TESC: variants seen among roughly 807,000 people sequenced by gnomAD.
The protein encoded by TESC is calcineurin B homologous protein 3.
A neutral mutation model predicts 31.0 loss-of-function variants in TESC; 19 were observed. The observed-to-expected ratio is 0.61, with a 90% CI of 0.43 to 0.90. The LOEUF is 0.90. TESC is among the 40% of genes least tolerant of loss of function. The pLI, the probability that TESC is intolerant of heterozygous loss-of-function variation, is 0.00. For synonymous variants in TESC, 109 were observed against 114.8 expected (o/e 0.95, Z 0.32); for missense variants, 248 against 303.8 (o/e 0.82, Z 1.36).
At chr12:117,078,984 C>T (rs1955109459) in intron 1 of TESC, among the ~76,000 whole-genome samples, 2 of 152,228 alleles carry the variant, frequency 1.3e-5, no homozygotes, top group South Asian at 4.1e-4. Flanking sequence ...TTCTTTAGTT[C>T]CTTCCATGAC....
intron 1 of TESC, among the ~76,000 whole-genome samples, chr12:117,085,349 G>A (rs112675858): frequency 5.9e-5 from 9 of 152,172 alleles, no homozygotes; most frequent in Non-Finnish European, 2.9e-5. Context: ...TGAAGTGCCC[G>A]GCAATAGACA....
intron 1 of TESC, among the ~76,000 whole-genome samples, chr12:117,080,837 C>G (rs1955137340): frequency 6.6e-6 from 1 of 152,176 alleles, no homozygotes. Context: ...TGCATGTCTG[C>G]CTGCATCAGG....
chr12:117,051,371 G>C (rs1954645440), intron 3 of TESC, among the ~76,000 whole-genome samples: 1 of 152,124 alleles, frequency 6.6e-6, no homozygotes, highest in South Asian at 2.1e-4. Flanking sequence ...CCCAAGTCTG[G>C]ATTAGGGAAG....
chr12:117,082,236 G>A (rs888520656), intron 1 of TESC, among the ~76,000 whole-genome samples: 1 of 152,010 alleles, frequency 6.6e-6, no homozygotes, highest in Non-Finnish European at 1.5e-5. Flanking sequence ...GGGCGCAGTG[G>A]CTCAAGCCTG....
intron 2 of TESC, among the ~76,000 whole-genome samples, chr12:117,061,649 T>A (rs1344409260): frequency 6.6e-6 from 1 of 151,360 alleles, no homozygotes; most frequent in African/African-American, 2.5e-5. Flanking sequence ...CCGCTGCCTC[T>A]GCTCTCTCTC....
In TESC at chr12:117,049,093, A is replaced by G. The variant is rs201789594; in HGVS notation, c.275T>C (p.Met92Thr). The G allele has an allele frequency of 1.9e-6, 3 of 1,614,240 alleles. No homozygotes were observed. The East Asian group carries it at 6.7e-5, about 36-fold the overall frequency. Residue 92 changes from methionine (M) to threonine (T), a missense_variant, in exon 4 of 8, where the codon ATG (methionine) becomes ACG (threonine). Transcript: ENST00000335209. ...GGTGTCGATGGGCCGGAAGTAGGAC[A>G]TGATGGTCAGGAAGTCCTCGAAATT... ...EINFEDFLTI[M>T]SYFRPIDTTM...
At chr12:117,092,499 G>A (rs903498400) in intron 1 of TESC, among the ~76,000 whole-genome samples, 1 of 152,234 alleles carries the variant, frequency 6.6e-6, no homozygotes, top group Non-Finnish European at 1.5e-5. Flanking sequence ...GGGGAGGCCT[G>A]GAAGCCCCCA....
At chr12:117,070,386 T>C (rs1954950125) in intron 2 of TESC, among the ~76,000 whole-genome samples, 1 of 152,182 alleles carries the variant, frequency 6.6e-6, no homozygotes, top group Non-Finnish European at 1.5e-5. Flanking sequence ...GTAGGCCTGT[T>C]TGCATAAGAA....
chr12:117,063,626 AG>A (rs1180073083), intron 2 of TESC, among the ~76,000 whole-genome samples: 5 of 152,180 alleles, frequency 3.3e-5, no homozygotes, highest in African/African-American at 1.2e-4. Flanking sequence ...CCAGATTCTC[AG>A]GCCGGAACTT....
chr12:117,059,979 G>A (rs1055268754), intron 2 of TESC, among the ~76,000 whole-genome samples: 3 of 152,136 alleles, frequency 2.0e-5, no homozygotes, highest in African/African-American at 7.2e-5. Flanking sequence ...AATGGTGTAC[G>A]ATGCCATTTA....
intron 1 of TESC, among the ~76,000 whole-genome samples, chr12:117,090,325 C>G (rs1215089837): frequency 6.6e-6 from 1 of 152,146 alleles, no homozygotes; most frequent in Admixed American, 6.5e-5. Context: ...AGCACAAGGG[C>G]AGAGATGGTG....
At chr12:117,080,791 T>C (rs143288328) in intron 1 of TESC, among the ~76,000 whole-genome samples, 101 of 151,396 alleles carry the variant, frequency 6.7e-4, no homozygotes, top group Admixed American at 2.9e-3. Flanking sequence ...GGGCTGACCC[T>C]GGGCCCCCAA....
chr12:117,095,153 C>A (rs934361682), intron 1 of TESC, among the ~76,000 whole-genome samples: 2 of 152,076 alleles, frequency 1.3e-5, no homozygotes, highest in African/African-American at 4.8e-5. Context: ...CAGCTCACCG[C>A]AACCTCCGCC....
intron 1 of TESC, among the ~76,000 whole-genome samples, chr12:117,078,557 GA>G (rs11350976): frequency 0.17 from 25,074 of 151,804 alleles, 2,178 homozygotes; most frequent in African/African-American, 0.21. Context: ...CAAGATGGAG[GA>G]AAAAAAATTG....
intron 1 of TESC, among the ~76,000 whole-genome samples, chr12:117,094,951 G>A (rs941330306): frequency 2.7e-5 from 4 of 149,694 alleles, no homozygotes; most frequent in African/African-American, 9.8e-5. Context: ...AGGAGGCAGA[G>A]GTTTCAGTGA....
At chr12:117,042,430 A>G (rs1954498053) in intron 6 of TESC, among the ~76,000 whole-genome samples, 1 of 152,146 alleles carries the variant, frequency 6.6e-6, no homozygotes, top group Admixed American at 6.5e-5. Context: ...TGGCCTCCTC[A>G]TGCCTGCGCT....
At chr12:117,050,310 T>C (rs559893879) in intron 3 of TESC, among the ~76,000 whole-genome samples, 4 of 152,328 alleles carry the variant, frequency 2.6e-5, no homozygotes, top group African/African-American at 7.2e-5. Context: ...AAGCCTAAAA[T>C]ATTTACTCCT....
At chr12:117,095,073 TTTC>T (rs1955372708) in intron 1 of TESC, among the ~76,000 whole-genome samples, 1 of 151,874 alleles carries the variant, frequency 6.6e-6, no homozygotes, top group African/African-American at 2.4e-5. Flanking sequence ...GAGTTTGTTT[TTTC>T]TTGTTTTTGT....
intron 1 of TESC, among the ~76,000 whole-genome samples, chr12:117,086,012 C>A (rs901654203): frequency 1.3e-5 from 2 of 152,116 alleles, no homozygotes; most frequent in African/African-American, 4.8e-5. Context: ...CTGTCATACT[C>A]CAAGAAGGGA....
Sources: allele counts gnomAD v4.1 joint callset (sites outside exome capture counted in the v4.1 genomes callset), GRCh38; gene constraint gnomAD v4.1.1; transcripts MANE v1.5; gene names NCBI Gene and HGNC (gene_info 2026-07-23, HGNC 2026-07-21).